SGCZ: variants seen among roughly 807,000 people sequenced by gnomAD.
The protein encoded by SGCZ is zeta-sarcoglycan.
In SGCZ, 40 loss-of-function variants were observed where a neutral mutation model predicts 41.3. The observed-to-expected ratio is 0.97, with a 90% CI of 0.75 to 1.26. The LOEUF (loss-of-function observed/expected upper bound fraction) is 1.26. Ranked by LOEUF, SGCZ falls within the 50% of genes most tolerant of loss-of-function variation. SGCZ has a pLI of 0.00. For missense variants in SGCZ, 552 were observed against 369.8 expected (o/e 1.49, Z -4.04); for synonymous variants, 206 against 137.5 (o/e 1.50, Z -3.49).
At chr8:14,961,455 G>A (rs1800963841) in intron 1 of SGCZ, among the ~76,000 whole-genome samples, 1 of 151,918 alleles carries the variant, frequency 6.6e-6, no homozygotes. Flanking sequence ...CAGCTACCGT[G>A]GTACCATACA....
chr8:14,915,231 T>G lies in SGCZ; in HGVS notation c.39+322354A>C, dbSNP rs545523199. On this transcript the variant is annotated intron_variant, in intron 1 of 7. Coordinates refer to ENST00000382080, the MANE Select transcript of SGCZ (RefSeq NM_139167.4). ...TGTAAATTCAATATCAAGCCTTTATTAGGAAAGAAATCTATTTGAACATGT... is the reference window on the plus strand; with the variant it reads ...TGTAAATTCAATATCAAGCCTTTATGAGGAAAGAAATCTATTTGAACATGT... 1.2e-4 allele frequency among the ~76,000 whole-genome samples: 18 copies of G among 152,266 alleles called. 1 individual carries two copies. The South Asian group carries it at 3.3e-3, about 28-fold the overall frequency.
At chr8:14,444,740 C>T (rs1289965293) in intron 2 of SGCZ, among the ~76,000 whole-genome samples, 1 of 151,806 alleles carries the variant, frequency 6.6e-6, no homozygotes, top group South Asian at 2.1e-4. Flanking sequence ...TGCAGCACAC[C>T]CGCATGGCAC....
intron 1 of SGCZ, among the ~76,000 whole-genome samples, chr8:14,897,500 C>G (rs1805245955): frequency 6.6e-6 from 1 of 152,130 alleles, no homozygotes; most frequent in Non-Finnish European, 1.5e-5. Context: ...AGGATTCTTT[C>G]CCTTTTCAAC....
chr8:14,883,222 A>G (rs535136670), intron 1 of SGCZ, among the ~76,000 whole-genome samples: 112 of 136,114 alleles, frequency 8.2e-4, no homozygotes, highest in Non-Finnish European at 1.5e-3. Flanking sequence ...CCTCGCCTCA[A>G]TGTTGGGCTA....
chr8:15,079,316 A>G (rs995988830), intron 1 of SGCZ, among the ~76,000 whole-genome samples: 2 of 152,292 alleles, frequency 1.3e-5, no homozygotes, highest in South Asian at 2.1e-4. Context: ...AAAACAGCCT[A>G]TCTGTTGTCT....
At chr8:14,745,646 C>CAT (rs944641785) in intron 1 of SGCZ, among the ~76,000 whole-genome samples, 11 of 151,238 alleles carry the variant, frequency 7.3e-5, no homozygotes, top group Admixed American at 5.3e-4. Flanking sequence ...TACACACACA[C>CAT]ATATATATAT....
intron 2 of SGCZ, among the ~76,000 whole-genome samples, chr8:14,460,647 G>A (rs2116950761): frequency 6.6e-6 from 1 of 152,130 alleles, no homozygotes; most frequent in East Asian, 1.9e-4. Context: ...CCAAAGAACA[G>A]AGAGACGAAT....
At chr8:15,051,437 C>T (rs543207406) in intron 1 of SGCZ, among the ~76,000 whole-genome samples, 3 of 152,100 alleles carry the variant, frequency 2.0e-5, no homozygotes, top group South Asian at 2.1e-4. Context: ...AGTTTGTTTA[C>T]ATTTGAAGCC....
intron 1 of SGCZ, among the ~76,000 whole-genome samples, chr8:14,954,610 C>G (rs1800738079): frequency 6.6e-6 from 1 of 152,184 alleles, no homozygotes; most frequent in South Asian, 2.1e-4. Context: ...GCAAGGGACC[C>G]AAAGAAGAGG....
chr8:14,177,938 TC>T (rs1209014311), intron 4 of SGCZ, among the ~76,000 whole-genome samples: 2 of 127,774 alleles, frequency 1.6e-5, no homozygotes, highest in Admixed American at 8.5e-5. Flanking sequence ...TTTTCTTTTT[TC>T]CTTCTTTTCT....
At chr8:14,321,792 T>A (rs1302805828) in intron 3 of SGCZ, among the ~76,000 whole-genome samples, 1 of 152,126 alleles carries the variant, frequency 6.6e-6, no homozygotes, top group Non-Finnish European at 1.5e-5. Context: ...GTTGACTATA[T>A]GAAAATCCGT....
rs1799176669 is a variant in SGCZ at position 15,151,383 on chromosome 8, C to T, written c.39+86202G>A. ...AACTCTGGAGTCATTTGATATGCTA[C>T]AATAGATTACAAATACATAATCCCT... On this transcript the variant is annotated intron_variant, in intron 1 of 7. Transcript: ENST00000382080. Among the ~76,000 whole-genome samples the T allele has an allele frequency of 2.0e-5, 3 of 152,244 alleles. No homozygotes were observed. The South Asian group carries it at 6.2e-4, about 32-fold the overall frequency.
chr8:15,228,500 T>A (rs1165820398), intron 1 of SGCZ, among the ~76,000 whole-genome samples: 3 of 152,184 alleles, frequency 2.0e-5, no homozygotes, highest in Non-Finnish European at 4.4e-5. Flanking sequence ...GATGAAAACA[T>A]TGATTTTTAT....
intron 1 of SGCZ, among the ~76,000 whole-genome samples, chr8:14,560,435 G>A (rs76447278): frequency 0.016 from 2,376 of 152,104 alleles, 54 homozygotes; most frequent in African/African-American, 0.054. Flanking sequence ...ACAAGGAGGA[G>A]CGGAGAAGGG....
At chr8:14,777,606 A>T (rs1302276441) in intron 1 of SGCZ, among the ~76,000 whole-genome samples, 1 of 152,146 alleles carries the variant, frequency 6.6e-6, no homozygotes, top group Non-Finnish European at 1.5e-5. Context: ...GATAATTACA[A>T]TGTGATGCAT....
Position 15,177,885 on chromosome 8 carries a change from C to G in SGCZ, c.39+59700G>C, listed in dbSNP as rs570621178. 7.2e-5 allele frequency among the ~76,000 whole-genome samples: 11 copies of G among 152,280 alleles called. No individual in the cohort carries two copies. The East Asian group carries it at 2.1e-3, about 29-fold the overall frequency. On this transcript the variant is annotated intron_variant, in intron 1 of 7. Coordinates refer to ENST00000382080, the MANE Select transcript of SGCZ (RefSeq NM_139167.4). ...TGGGGAAGCTATGAACTCCCTACTCCAGCCTAAAGTTCAGCCTCCTGATAT... is the reference window on the plus strand; with the variant it reads ...TGGGGAAGCTATGAACTCCCTACTCGAGCCTAAAGTTCAGCCTCCTGATAT...
chr8:14,549,382 T>A (rs1803730966), intron 2 of SGCZ, among the ~76,000 whole-genome samples: 2 of 152,034 alleles, frequency 1.3e-5, no homozygotes, highest in Non-Finnish European at 2.9e-5. Context: ...TGCCACTTTG[T>A]TCATAGGAGA....
At chr8:14,581,911 T>G (rs1804902651) in intron 1 of SGCZ, among the ~76,000 whole-genome samples, 1 of 152,164 alleles carries the variant, frequency 6.6e-6, no homozygotes, top group Non-Finnish European at 1.5e-5. Context: ...ATAAGCAGAC[T>G]TTTTCACTAA....
chr8:14,526,897 G>C (rs1802965869), intron 2 of SGCZ, among the ~76,000 whole-genome samples: 2 of 152,106 alleles, frequency 1.3e-5, no homozygotes, highest in African/African-American at 4.8e-5. Context: ...GACGGTCGGT[G>C]GCTGCAGGGA....
Sources: gnomAD v4.1 joint callset for allele counts (sites outside exome capture counted in the v4.1 genomes callset) on GRCh38, gnomAD v4.1.1 for gene constraint, MANE v1.5 for transcripts, NCBI Gene and HGNC (gene_info 2026-07-23, HGNC 2026-07-21) for gene names.